PITPNM3: variants seen among roughly 807,000 people sequenced by gnomAD.
PITPNM3 encodes the protein PITPNM family member 3.
Under a neutral mutation model 102.0 loss-of-function variants are expected in PITPNM3, and 26 were observed. That is an observed-to-expected ratio of 0.25 (90% CI 0.19 to 0.35). PITPNM3 has a LOEUF of 0.35. Among genes scored for constraint, PITPNM3 ranks in the 10% least tolerant of loss-of-function variants. The pLI is 1.00. For synonymous variants in PITPNM3, 578 were observed against 558.6 expected (o/e 1.03, Z -0.49); for missense variants, 1,083 against 1,346.1 (o/e 0.80, Z 3.06).
rs528572590 is a variant in PITPNM3 at position 6,473,035 on chromosome 17, G to T, written c.1259-208C>A. On this transcript the variant is annotated intron_variant, in intron 10 of 19. Transcript: ENST00000262483. Reference sequence around the variant, plus strand: ...GACAGGCACCCAGCACTGCAGCCGTGCTGCACAGCTGCCCTTCCCCAATCA... The same window carrying T: ...GACAGGCACCCAGCACTGCAGCCGTTCTGCACAGCTGCCCTTCCCCAATCA... Among the ~76,000 whole-genome samples the T allele has an allele frequency of 6.6e-5, 10 of 152,306 alleles. No homozygotes were observed. The South Asian group carries it at 1.2e-3, about 19-fold the overall frequency.
rs779300376 is a variant in PITPNM3 at position 6,455,601 on chromosome 17, C to T, written c.2662G>A (p.Ala888Thr). ...GYAAHLAALE[A>T]SHRSRPKKNN... is the part of the protein sequence containing the mutation. Reference sequence around the variant, plus strand: ...TTCTTTGGGCGTGAGCGGTGGCTGGCCTCCAGCGCGGCCAGGTGTGCGGCG... The same window carrying T: ...TTCTTTGGGCGTGAGCGGTGGCTGGTCTCCAGCGCGGCCAGGTGTGCGGCG... The change falls in exon 20 of 20, where the codon GCC becomes ACC. Residue 888 changes from alanine (A) to threonine (T), a missense_variant. Physicochemically the swap from Ala to Thr is moderately conservative, Grantham distance 58. Transcript: ENST00000262483. 6.3e-6 allele frequency: 10 copies of T among 1,589,264 alleles called. No individual in the cohort carries two copies. The highest frequency in any genetic ancestry group is 2.3e-5 in the East Asian group (1 of 44,320).
rs532381028 is a variant in PITPNM3, at chr17:6,469,905, C to T, written c.1773+355G>A. 6.6e-6 allele frequency among the ~76,000 whole-genome samples: 1 copy of T among 152,314 alleles called. No homozygotes were observed. The highest frequency in any genetic ancestry group is 2.1e-4 in the South Asian group (1 of 4,822). On this transcript the variant is annotated intron_variant, in intron 13 of 19. Transcript: ENST00000262483. This position sits in a 1 kb window ranked among gnomAD's most constrained non-coding sequence, Gnocchi z 4.0. Reference sequence around the variant, plus strand: ...CACCAGGCTCTCCTTCTGGCGCCGGCCTTTCTGCTATACCTTCTGTTTTGC... The same window carrying T: ...CACCAGGCTCTCCTTCTGGCGCCGGTCTTTCTGCTATACCTTCTGTTTTGC...
At chr17:6,536,292 G>C (rs1048154970) in intron 2 of PITPNM3, among the ~76,000 whole-genome samples, 4 of 152,206 alleles carry the variant, frequency 2.6e-5, no homozygotes, top group Admixed American at 2.6e-4. Flanking sequence ...CGAAGGGATA[G>C]AGCTGACCCT....
rs760727040 is a variant in PITPNM3 at position 6,472,851 on chromosome 17, G to A, written c.1259-24C>T. The A allele has an allele frequency of 2.5e-6, 4 of 1,613,328 alleles. No homozygotes were observed. The highest frequency in any genetic ancestry group is 1.6e-4 in the Middle Eastern group (1 of 6,062). On this transcript the variant is annotated intron_variant, in intron 10 of 19. Transcript: ENST00000262483. The surrounding 1 kb of genome is among the most constrained non-coding windows in gnomAD (Gnocchi z 4.1). ...GCCTGGGGTGAGTGGGAAGACAGAGGGAAGCCACTTTCTAGTACCTGCTCC... is the reference window on the plus strand; with the variant it reads ...GCCTGGGGTGAGTGGGAAGACAGAGAGAAGCCACTTTCTAGTACCTGCTCC...
Position 6,457,009 on chromosome 17 carries a change from C to T in PITPNM3, c.2619+585G>A, listed in dbSNP as rs1280795377. Among the ~76,000 whole-genome samples the T allele has an allele frequency of 2.6e-5, 4 of 152,204 alleles. No individual in the cohort carries two copies. Among genetic ancestry groups the T allele is most frequent in the Non-Finnish European group, 5.9e-5 (4 of 68,040 alleles). ...GAGCTTCCTGAATCACACACCTGCT[C>T]ATCCCACACCCTCTCAGAGTCCCCA... On this transcript the variant is annotated intron_variant, in intron 19 of 19. Coordinates refer to ENST00000262483, the MANE Select transcript of PITPNM3 (RefSeq NM_031220.4). The surrounding 1 kb of genome is among the most constrained non-coding windows in gnomAD (Gnocchi z 4.7).
At chr17:6,538,268 CTGAG>C (rs1909554239) in intron 1 of PITPNM3, among the ~76,000 whole-genome samples, 186 bp from the exon 2 acceptor site, 1 of 152,206 alleles carries the variant, frequency 6.6e-6, no homozygotes, top group African/African-American at 2.4e-5. Flanking sequence ...AAAAACCTCT[CTGAG>C]TAAGTGCAGC....
chr17:6,497,111 C>T (rs1906878034), intron 4 of PITPNM3, among the ~76,000 whole-genome samples: 1 of 152,180 alleles, frequency 6.6e-6, no homozygotes, highest in Non-Finnish European at 1.5e-5. Flanking sequence ...AGCCTGTCTG[C>T]AGCTGTGCTC....
In PITPNM3 at chr17:6,463,975, C is replaced by A. The variant is rs1904631394; in HGVS notation, c.2157-94G>T. ...CCTGTAGCTGCAGTCAGAGCTCAGT[C>A]TGGGTCAAGGTCAGAGAGCACCTGG... On this transcript the variant is annotated intron_variant, in intron 16 of 19. Transcript: ENST00000262483. The A allele has an allele frequency of 3.8e-6, 6 of 1,574,050 alleles. No individual in the cohort carries two copies. In the South Asian group the frequency reaches 6.8e-5, roughly 18 times the overall value.
intron 3 of PITPNM3, among the ~76,000 whole-genome samples, chr17:6,512,351 T>C (rs1174577627): frequency 6.6e-6 from 1 of 152,040 alleles, no homozygotes; most frequent in Non-Finnish European, 1.5e-5. Flanking sequence ...TGCACAAATA[T>C]TAGTAAATAT....
chr17:6,468,245 G>A lies in PITPNM3; in HGVS notation c.1870C>T (p.Arg624Trp), dbSNP rs1458059596. ...CGCACCCTCAGCTTGACCTGAGTCC[G>A]CTTACGAAGCCACTTCTCCCGGGGG... is the stretch of plus-strand genomic sequence containing the variant. Reference protein sequence around the residue: ...ANPREKWLRKRTQVKLRNVTA... With the variant: ...ANPREKWLRKWTQVKLRNVTA... Residue 624 changes from arginine to tryptophan, a missense_variant, in exon 14 of 20, where the codon CGG becomes TGG. This residue lies in a region of PITPNM3 where 410 missense variants were observed against 638.4 expected (regional missense o/e 0.64). Transcript: ENST00000262483. The surrounding 1 kb of genome is among the most constrained non-coding windows in gnomAD (Gnocchi z 5.2). 1.9e-6 allele frequency: 3 copies of A among 1,613,396 alleles called. No individual in the cohort carries two copies. The highest frequency in any genetic ancestry group is 3.3e-5 in the Admixed American group (2 of 60,026).
At chr17:6,493,493 C>T (rs1032163587) in intron 4 of PITPNM3, among the ~76,000 whole-genome samples, 3 of 152,232 alleles carry the variant, frequency 2.0e-5, no homozygotes, top group Non-Finnish European at 4.4e-5. Context: ...ATGTTTACAA[C>T]AGTTCAAGAG....
chr17:6,503,437 G>T (rs1297621506), intron 4 of PITPNM3, 90 bp downstream of exon 4: 2 of 1,413,530 alleles, frequency 1.4e-6, no homozygotes, highest in Non-Finnish European at 2.0e-6. Context: ...ATCCTTTCAG[G>T]CTCTGAGTGG....
chr17:6,483,781 G>C (rs1487757464), intron 5 of PITPNM3, 29 bp from the exon 6 acceptor site: 5 of 1,600,696 alleles, frequency 3.1e-6, no homozygotes, highest in African/African-American at 1.3e-5. Flanking sequence ...GGAATACAGA[G>C]AGAGAGGCGG....
chr17:6,534,049 T>C, intron 2 of PITPNM3, among the ~76,000 whole-genome samples: 1 of 152,204 alleles, frequency 6.6e-6, no homozygotes, highest in Non-Finnish European at 1.5e-5. Context: ...TCAAAAACCT[T>C]GAGGAGCCTC....
chr17:6,485,346 C>T (rs1167956257), intron 4 of PITPNM3, among the ~76,000 whole-genome samples: 10 of 151,442 alleles, frequency 6.6e-5, no homozygotes, highest in Non-Finnish European at 1.2e-4. Flanking sequence ...TTTGTAGAGA[C>T]GGGGTTTCTC....
At chr17:6,552,623 G>T (rs1285324751) in intron 1 of PITPNM3, among the ~76,000 whole-genome samples, 1 of 152,022 alleles carries the variant, frequency 6.6e-6, no homozygotes, top group African/African-American at 2.4e-5. Context: ...TTACTTTTGG[G>T]CACTTCCTAC....
At chr17:6,531,890 G>T (rs1184910453) in intron 2 of PITPNM3, among the ~76,000 whole-genome samples, 1 of 152,276 alleles carries the variant, frequency 6.6e-6, no homozygotes, top group East Asian at 1.9e-4. Flanking sequence ...ATCACCTGGG[G>T]TCAGGAGTTC....
chr17:6,520,465 T>C (rs1039170271), intron 3 of PITPNM3, among the ~76,000 whole-genome samples: 16 of 152,206 alleles, frequency 1.1e-4, no homozygotes, highest in African/African-American at 1.4e-4. Flanking sequence ...AATCTATATA[T>C]ACCCATATGA....
At chr17:6,481,023 C>G in intron 6 of PITPNM3, 1 of 152,318 alleles carries the variant, frequency 6.6e-6, no homozygotes, top group Admixed American at 6.5e-5. Context: ...GTGGACACAT[C>G]CTTCCCTCCT....
Sources: gnomAD v4.1 joint callset for allele counts (sites outside exome capture counted in the v4.1 genomes callset) on GRCh38, gnomAD v4.1.1 for gene constraint, gnomAD v4.1.1 regional missense constraint, Gnocchi (gnomAD v3.1) non-coding constraint, MANE v1.5 for transcripts, NCBI Gene and HGNC (gene_info 2026-07-23, HGNC 2026-07-21) for gene names.